The following CDH4 variants were observed in gnomAD, a reference collection of about 807,000 sequenced individuals.
CDH4 encodes cadherin-4.
CDH4 carries 33 observed loss-of-function variants against 86.0 expected under a neutral mutation model. The ratio of observed to expected loss-of-function variants is 0.38; its 90% CI spans 0.29 to 0.51. The LOEUF is 0.51. Among genes scored for constraint, CDH4 ranks in the 20% least tolerant of loss-of-function variants. The pLI is 0.86. For missense variants in CDH4, 1,114 were observed against 1,307.4 expected (o/e 0.85, Z 2.28); for synonymous variants, 555 against 549.4 (o/e 1.01, Z -0.14).
chr20:61,826,330 C>T (rs895944173), intron 4 of CDH4, among the ~76,000 whole-genome samples: 19 of 152,244 alleles, frequency 1.2e-4, no homozygotes, highest in Admixed American at 3.3e-4. Context: ...CCCGGCCCAG[C>T]GCCTCTGCCT....
chr20:61,863,705 AAGG>A (rs770796824), intron 6 of CDH4, among the ~76,000 whole-genome samples: 7 of 152,190 alleles, frequency 4.6e-5, no homozygotes, highest in Non-Finnish European at 7.4e-5. Context: ...ACAGCACAGG[AAGG>A]AGGCCAGAGG....
At chr20:61,591,637 C>T (rs764405648) in intron 2 of CDH4, among the ~76,000 whole-genome samples, 3 of 152,176 alleles carry the variant, frequency 2.0e-5, no homozygotes, top group Non-Finnish European at 2.9e-5. Flanking sequence ...GTTTCTTAAA[C>T]GTTAGTTGCA....
intron 11 of CDH4, 106 bp from the exon 12 acceptor site, chr20:61,928,082 CCT>C (rs1228136078): frequency 2.4e-5 from 20 of 848,420 alleles, no homozygotes; most frequent in Admixed American, 5.2e-5. Context: ...CACATGTGTC[CCT>C]GTGTATGTTG....
At chr20:61,901,528 C>CCT in intron 8 of CDH4, among the ~76,000 whole-genome samples, 1 of 152,396 alleles carries the variant, frequency 6.6e-6, no homozygotes. Flanking sequence ...CCCAGCCAGA[C>CCT]AGGAGCCGTC....
chr20:61,500,188 G>A (rs2085690753), intron 2 of CDH4, among the ~76,000 whole-genome samples: 1 of 152,164 alleles, frequency 6.6e-6, no homozygotes, highest in Non-Finnish European at 1.5e-5. Flanking sequence ...TCATACTACT[G>A]TTGTGTTTGT....
At chr20:61,388,936 A>C (rs1343536308) in intron 2 of CDH4, among the ~76,000 whole-genome samples, 1 of 152,248 alleles carries the variant, frequency 6.6e-6, no homozygotes, top group Non-Finnish European at 1.5e-5. Flanking sequence ...GCTTTGTGAT[A>C]AACAGCCTTG....
At chr20:61,259,267 G>A (rs1002324291) in intron 2 of CDH4, among the ~76,000 whole-genome samples, 1 of 152,204 alleles carries the variant, frequency 6.6e-6, no homozygotes, top group Non-Finnish European at 1.5e-5. Context: ...TGCCATTTCT[G>A]CCACACTGCA....
intron 8 of CDH4, among the ~76,000 whole-genome samples, chr20:61,895,915 C>T (rs1332525333): frequency 6.6e-6 from 1 of 152,166 alleles, no homozygotes; most frequent in Non-Finnish European, 1.5e-5. Context: ...CCCGGGAGCC[C>T]CTCTAGAAAG....
chr20:61,737,353 G>A (rs1331468220), intron 2 of CDH4, among the ~76,000 whole-genome samples: 1 of 152,118 alleles, frequency 6.6e-6, no homozygotes, highest in Non-Finnish European at 1.5e-5. Flanking sequence ...ACACCTTGGG[G>A]TGAGGAGAGG....
At chr20:61,538,543 C>T (rs1358046756) in intron 2 of CDH4, among the ~76,000 whole-genome samples, 1 of 152,222 alleles carries the variant, frequency 6.6e-6, no homozygotes, top group Admixed American at 6.5e-5. Context: ...GGAGCCAACA[C>T]TTTAACATCC....
intron 2 of CDH4, among the ~76,000 whole-genome samples, chr20:61,351,031 G>T (rs1234331223): frequency 6.6e-6 from 1 of 152,116 alleles, no homozygotes; most frequent in Non-Finnish European, 1.5e-5. Context: ...GTGCTGGGGT[G>T]GCAGCTGTGG....
Position 61,923,587 on chromosome 20 carries a change from C to A in CDH4, c.1511C>A (p.Ala504Asp). 1 of 1,614,194 alleles carries A rather than the reference C, an allele frequency of 6.2e-7. No individual in the cohort carries two copies. ...ATCTCCATCATGGACATCAACGAGG[C>A]TCCCTACTTCCCCTCAAACCACAAG... ...VTISIMDINE[A>D]PYFPSNHKLI... Residue 504 changes from alanine to aspartate, a missense_variant, in exon 10 of 16, where the codon GCT (alanine) becomes GAT (aspartate). Around this residue, in one of 3 missense-constraint regions of CDH4, gnomAD observed 705 missense variants for 914.1 expected, o/e 0.77. Coordinates refer to ENST00000614565, the MANE Select transcript of CDH4 (RefSeq NM_001794.5).
chr20:61,547,709 G>A (rs541728403), intron 2 of CDH4, among the ~76,000 whole-genome samples: 7 of 152,320 alleles, frequency 4.6e-5, no homozygotes, highest in Non-Finnish European at 4.4e-5. Flanking sequence ...TGCAGACAGC[G>A]CAGGAGCAGC....
chr20:61,697,025 G>A (rs906709459), intron 2 of CDH4, among the ~76,000 whole-genome samples: 7 of 152,190 alleles, frequency 4.6e-5, no homozygotes, highest in African/African-American at 1.7e-4. Flanking sequence ...GAGGCTGGAA[G>A]GGCCCTCCCC....
In CDH4 at chr20:61,902,601, A is replaced by C. The variant is rs1360876060; in HGVS notation, c.1188+7554A>C. Among the ~76,000 whole-genome samples, 3 of 152,200 alleles carry C rather than the reference A, an allele frequency of 2.0e-5. No individual in the cohort carries two copies. Among genetic ancestry groups the C allele is most frequent in the African/African-American group, 7.2e-5 (3 of 41,456 alleles). ...CCGGAAGGTCTCCGTGGCAACTCCG[A>C]AACTCCGCCATTGTAGGACAAAAAC... On this transcript the variant is annotated intron_variant, in intron 8 of 15. Coordinates refer to ENST00000614565, the MANE Select transcript of CDH4 (RefSeq NM_001794.5). The surrounding 1 kb of genome is among the most constrained non-coding windows in gnomAD (Gnocchi z 4.6).
At chr20:61,511,684 A>T (rs1363748596) in intron 2 of CDH4, among the ~76,000 whole-genome samples, 8 of 152,210 alleles carry the variant, frequency 5.3e-5, no homozygotes, top group Admixed American at 5.2e-4. Context: ...AAGACGAGAG[A>T]GAAGATGTTC....
chr20:61,530,135 C>G (rs557022084), intron 2 of CDH4, among the ~76,000 whole-genome samples: 1 of 152,116 alleles, frequency 6.6e-6, no homozygotes, highest in Admixed American at 6.5e-5. Context: ...CAGGTTCAAG[C>G]GATTCTCCTG....
chr20:61,598,761 G>A (rs1268988022), intron 2 of CDH4, among the ~76,000 whole-genome samples: 3 of 152,140 alleles, frequency 2.0e-5, no homozygotes, highest in Non-Finnish European at 2.9e-5. Flanking sequence ...GCTTGCTGAC[G>A]CACCCGAGGG....
intron 2 of CDH4, among the ~76,000 whole-genome samples, chr20:61,741,206 C>A (rs574690429): frequency 6.6e-6 from 1 of 152,226 alleles, no homozygotes; most frequent in Admixed American, 6.5e-5. Context: ...AAGACTCCAT[C>A]TCAAAAAACA....
Sources: gnomAD v4.1 joint callset for allele counts (sites outside exome capture counted in the v4.1 genomes callset) on GRCh38, gnomAD v4.1.1 for gene constraint, gnomAD v4.1.1 regional missense constraint, Gnocchi (gnomAD v3.1) non-coding constraint, MANE v1.5 for transcripts, NCBI Gene and HGNC (gene_info 2026-07-23, HGNC 2026-07-21) for gene names.